Variants in PGBD5 observed in about 807,000 individuals in gnomAD.
PGBD5 encodes piggyBac transposable element derived 5.
Under a neutral mutation model 47.9 loss-of-function variants are expected in PGBD5, and 14 were observed. The observed-to-expected ratio is 0.29, with a 90% CI of 0.19 to 0.46. PGBD5 has a LOEUF of 0.46. Ranked by LOEUF, PGBD5 falls within the 20% of genes least tolerant of loss-of-function variation. The probability of loss-of-function intolerance (pLI) is 1.00; values close to 1 mark genes in which losing one functional copy is unlikely to be tolerated. For synonymous variants in PGBD5, 316 were observed against 306.3 expected (o/e 1.03, Z -0.33); for missense variants, 635 against 716.0 (o/e 0.89, Z 1.29).
intron 1 of PGBD5, among the ~76,000 whole-genome samples, chr1:230,378,126 G>A (rs993608088): frequency 6.6e-6 from 1 of 152,234 alleles, no homozygotes; most frequent in African/African-American, 2.4e-5. Flanking sequence ...AAGTTATTCT[G>A]GGAATGTTCA....
At position 230,337,229 on chromosome 1, in the gene PGBD5, C is replaced by T; in HGVS notation, c.954G>A (p.Lys318=). ...GPDGLDALKN[K]PQLHSMVARS... ...TGGCCACCATGCTGTGGAGCTGGGG[C>T]TTATTCTTCAGCGCATCCAGGCCAT... Residue 318 remains lysine (K), a synonymous_variant, in exon 4 of 7, where the codon AAG becomes AAA. Coordinates refer to ENST00000391860, the MANE Select transcript of PGBD5 (RefSeq NM_001258311.2). 6.2e-7 allele frequency: 1 copy of T among 1,614,126 alleles called. No homozygotes were observed. Among genetic ancestry groups the T allele is most frequent in the Non-Finnish European group, 8.5e-7 (1 of 1,180,010 alleles).
In PGBD5 at chr1:230,425,995, C is replaced by T; in HGVS notation, c.-67G>A. 1.3e-6 allele frequency: 1 copy of T among 799,372 alleles called. No individual in the cohort carries two copies. The highest frequency in any genetic ancestry group is 1.5e-6 in the Non-Finnish European group (1 of 664,182). 49.5% of individuals were successfully genotyped at this position (799,372 alleles called of 1,614,324 possible). A position where few individuals can be genotyped will look rare whatever the true frequency, so the allele number is the denominator to read the frequency against. ...CCAGCCGCACACGCCGGGCCCTGGG[C>T]CCGCGCCGCGGCCCGCCGCCCCCCA... On this transcript the variant is annotated 5_prime_UTR_variant, in exon 1 of 7. Coordinates refer to ENST00000391860, the MANE Select transcript of PGBD5 (RefSeq NM_001258311.2). This position sits in a 1 kb window ranked among gnomAD's most constrained non-coding sequence, Gnocchi z 4.7.
At chr1:230,335,783 A>AGATGCGCACAGACATGCAGATG in intron 4 of PGBD5, among the ~76,000 whole-genome samples, 3 of 684 alleles carry the variant, frequency 4.4e-3, no homozygotes, top group Admixed American at 0.016. Flanking sequence ...AGACACACAC[A>AGATGCGCACAGACATGCAGATG]CACACACAGG....
intron 1 of PGBD5, among the ~76,000 whole-genome samples, chr1:230,394,901 C>G (rs1305017291): frequency 7.9e-6 from 1 of 126,202 alleles, no homozygotes; most frequent in African/African-American, 3.0e-5. Flanking sequence ...TCCCCATCCT[C>G]GAGCTCCTCT....
intron 1 of PGBD5, among the ~76,000 whole-genome samples, chr1:230,364,219 C>T (rs778366421): frequency 1.3e-5 from 2 of 152,240 alleles, no homozygotes; most frequent in Non-Finnish European, 2.9e-5. Flanking sequence ...TGGCTCACTT[C>T]CGGACACCAC....
chr1:230,392,061 T>C (rs1281569079), intron 1 of PGBD5, among the ~76,000 whole-genome samples: 1 of 152,242 alleles, frequency 6.6e-6, no homozygotes, highest in African/African-American at 2.4e-5. Flanking sequence ...ACTAGGACTG[T>C]GAAGCTTCAC....
intron 1 of PGBD5, among the ~76,000 whole-genome samples, chr1:230,395,472 T>A (rs1444725272): frequency 1.1e-4 from 1 of 9,450 alleles, no homozygotes; most frequent in African/African-American, 5.3e-4. Context: ...TCTCACTCCC[T>A]CCCTCCTCCC....
At position 230,407,842 on chromosome 1, in the gene PGBD5, A is replaced by G. The variant is rs138482383; in HGVS notation, c.331+17756T>C. Reference sequence around the variant, plus strand: ...AAGTAAAAATTATAATCGGGGCAACATCTGAAATTTACTCCTAAAAATATT... The same window carrying G: ...AAGTAAAAATTATAATCGGGGCAACGTCTGAAATTTACTCCTAAAAATATT... On this transcript the variant is annotated intron_variant, in intron 1 of 6. Coordinates refer to ENST00000391860, the MANE Select transcript of PGBD5 (RefSeq NM_001258311.2). Among the ~76,000 whole-genome samples the G allele has an allele frequency of 8.1e-3, 1,237 of 152,338 alleles. 17 individuals are homozygous for G. The highest frequency in any genetic ancestry group is 0.029 in the African/African-American group (1,187 of 41,574).
intron 1 of PGBD5, among the ~76,000 whole-genome samples, chr1:230,408,228 T>C (rs1161177050): frequency 2.0e-5 from 3 of 152,228 alleles, no homozygotes; most frequent in Non-Finnish European, 4.4e-5. Context: ...ACAGTATAAA[T>C]TTTTTAAACA....
intron 1 of PGBD5, among the ~76,000 whole-genome samples, chr1:230,408,828 C>A (rs912039244): frequency 1.3e-5 from 2 of 152,084 alleles, no homozygotes; most frequent in Non-Finnish European, 2.9e-5. Flanking sequence ...ACACCAAAAA[C>A]AAGCAACCAG....
chr1:230,332,216 G>A (rs920806065), intron 5 of PGBD5, among the ~76,000 whole-genome samples: 2 of 152,358 alleles, frequency 1.3e-5, no homozygotes, highest in Admixed American at 6.5e-5. Context: ...AAGCCTCCGT[G>A]TGAAGGCAGG....
At chr1:230,405,885 G>T (rs1657287663) in intron 1 of PGBD5, among the ~76,000 whole-genome samples, 1 of 151,342 alleles carries the variant, frequency 6.6e-6, no homozygotes, top group Non-Finnish European at 1.5e-5. Flanking sequence ...TGTCTAAGCA[G>T]AATGCATCTC....
intron 1 of PGBD5, among the ~76,000 whole-genome samples, chr1:230,361,202 T>A (rs1667736318): frequency 1.3e-5 from 2 of 152,210 alleles, no homozygotes; most frequent in African/African-American, 4.8e-5. Context: ...AGTGCTCATG[T>A]GTTGCGGGGG....
chr1:230,344,241 C>T (rs1184280803), intron 3 of PGBD5, among the ~76,000 whole-genome samples: 4 of 151,672 alleles, frequency 2.6e-5, no homozygotes, highest in African/African-American at 7.3e-5. Flanking sequence ...GCCGAGATCA[C>T]GCCACTACAC....
chr1:230,416,433 T>C (rs902007015), intron 1 of PGBD5, among the ~76,000 whole-genome samples: 4 of 152,350 alleles, frequency 2.6e-5, no homozygotes, highest in African/African-American at 9.6e-5. Flanking sequence ...ACTGAGCACC[T>C]GCCACATTTT....
At chr1:230,350,015 T>C (rs961672962) in intron 3 of PGBD5, among the ~76,000 whole-genome samples, 6 of 152,012 alleles carry the variant, frequency 3.9e-5, no homozygotes, top group Non-Finnish European at 7.4e-5. Flanking sequence ...GGTTCTGGAG[T>C]GGATGTGGGG....
intron 1 of PGBD5, chr1:230,362,448 C>A: frequency 7.9e-7 from 1 of 1,260,296 alleles, no homozygotes; most frequent in Non-Finnish European, 1.0e-6. Flanking sequence ...CAAGCTCTTT[C>A]CCGCCTCAAG....
chr1:230,371,119 T>C (rs767765937), intron 1 of PGBD5, among the ~76,000 whole-genome samples: 7 of 152,222 alleles, frequency 4.6e-5, no homozygotes, highest in Non-Finnish European at 7.3e-5. Context: ...GACTTCTGTT[T>C]GCAAGAGAAG....
chr1:230,400,325 G>A (rs372302804), intron 1 of PGBD5, among the ~76,000 whole-genome samples: 29 of 152,040 alleles, frequency 1.9e-4, no homozygotes, highest in African/African-American at 7.0e-4. Context: ...TGCAACAGAC[G>A]CCTTCCACCC....
Sources: allele counts gnomAD v4.1 joint callset (sites outside exome capture counted in the v4.1 genomes callset), GRCh38; gene constraint gnomAD v4.1.1; non-coding constraint Gnocchi (gnomAD v3.1); transcripts MANE v1.5; gene names NCBI Gene and HGNC (gene_info 2026-07-23, HGNC 2026-07-21).